Variants in RYR2 observed in about 807,000 individuals in gnomAD.
RYR2 encodes the protein cardiac muscle ryanodine receptor-calcium release channel.
In RYR2, 227 loss-of-function variants were observed where a neutral mutation model predicts 601.1. That is an observed-to-expected ratio of 0.38 (90% CI 0.34 to 0.42). RYR2 has a LOEUF of 0.42. Among genes scored for constraint, RYR2 ranks in the 10% least tolerant of loss-of-function variants. RYR2 has a pLI of 1.00. For synonymous variants in RYR2, 2,223 were observed against 2,175.1 expected, an observed-to-expected ratio of 1.02 and a Z score of -0.61; for missense variants, 4,646 against 6,156.5, an observed-to-expected ratio of 0.75 and a Z score of 8.21.
rs1385755155 is a variant in RYR2, at chr1:237,548,429, A to G, written c.2907-2A>G. 6.2e-7 allele frequency: 1 copy of G among 1,613,108 alleles called. No individual in the cohort carries two copies. The highest frequency in any genetic ancestry group is 8.5e-7 in the Non-Finnish European group (1 of 1,179,634). ...ACAAATTTCTTTGTCTCTGATTTGT[A>G]GTTACCAGCTGACAAGTGGATACAA... On this transcript the variant is annotated splice_acceptor_variant, in intron 25 of 104. Coordinates refer to ENST00000366574, the MANE Select transcript of RYR2 (RefSeq NM_001035.3). LOFTEE classifies it high-confidence loss of function.
At chr1:237,438,429 T>C (rs1389921867) in intron 12 of RYR2, among the ~76,000 whole-genome samples, 2 of 152,200 alleles carry the variant, frequency 1.3e-5, no homozygotes, top group African/African-American at 2.4e-5. Context: ...GAATTTCAAG[T>C]TTTTTTCTGA....
chr1:237,586,261 G>A (rs999626135), intron 29 of RYR2, among the ~76,000 whole-genome samples: 1 of 151,992 alleles, frequency 6.6e-6, no homozygotes, highest in African/African-American at 2.4e-5. Flanking sequence ...ATTTTGTTGA[G>A]CCCTAAAGAT....
intron 75 of RYR2, 72 bp from the exon 76 acceptor site, chr1:237,727,014 TG>T: frequency 1.2e-6 from 1 of 803,140 alleles, no homozygotes; most frequent in Non-Finnish European, 2.2e-6. Flanking sequence ...GAAGATAGTT[TG>T]GGGTGTAAAT....
chr1:237,285,315 T>G (rs1177844976), intron 2 of RYR2, among the ~76,000 whole-genome samples: 1 of 152,246 alleles, frequency 6.6e-6, no homozygotes, highest in Admixed American at 6.5e-5. Flanking sequence ...ATTCTGTTTA[T>G]ATGGTATATC....
chr1:237,500,507 G>A (rs933482443), intron 20 of RYR2, among the ~76,000 whole-genome samples: 1 of 152,176 alleles, frequency 6.6e-6, no homozygotes, highest in Non-Finnish European at 1.5e-5. Flanking sequence ...TACAACATAA[G>A]TAGCAGCCTG....
chr1:237,582,269 ATTT>A (rs34174618), intron 29 of RYR2, among the ~76,000 whole-genome samples: 1 of 147,456 alleles, frequency 6.8e-6, no homozygotes, highest in Non-Finnish European at 1.5e-5. Flanking sequence ...CACCCAGATA[ATTT>A]TTTTTTTTTG....
intron 25 of RYR2, among the ~76,000 whole-genome samples, chr1:237,544,525 T>C (rs2618668): frequency 0.89 from 134,725 of 152,142 alleles, 61,406 homozygotes; most frequent in Non-Finnish European, 0.99. Flanking sequence ...TACTTTAACT[T>C]TTTGGAAATC....
chr1:237,614,046 G>T lies in RYR2; in HGVS notation c.4918G>T (p.Asp1640Tyr). ...LHIPEENRSV[D>Y]ILELTEQEEL... ...CTCTCCTCCCTTCTACAGATCTGTT[G>T]ACATCTTAGAGTTGACAGAGCAGGA... Residue 1640 changes from aspartate (D) to tyrosine (Y), a missense_variant, in exon 37 of 105, where the codon GAC (aspartate) becomes TAC (tyrosine). Transcript: ENST00000366574. This position sits in a 1 kb window ranked among gnomAD's most constrained non-coding sequence, Gnocchi z 4.3. 1 of 1,611,856 alleles carries T rather than the reference G, an allele frequency of 6.2e-7. No homozygotes were observed. The highest frequency in any genetic ancestry group is 1.1e-5 in the South Asian group (1 of 90,954).
intron 17 of RYR2, among the ~76,000 whole-genome samples, chr1:237,488,481 C>A (rs1044221440): frequency 1.3e-5 from 2 of 152,150 alleles, no homozygotes; most frequent in African/African-American, 4.8e-5. Flanking sequence ...ACCTTCATGA[C>A]CTAATCACCT....
At chr1:237,128,582 A>C (rs551059247) in intron 1 of RYR2, among the ~76,000 whole-genome samples, 1 of 152,304 alleles carries the variant, frequency 6.6e-6, no homozygotes, top group Admixed American at 6.5e-5. Context: ...GCAGTTTATT[A>C]ATTTGGACCA....
chr1:237,621,280 T>C (rs1460212348), intron 38 of RYR2, among the ~76,000 whole-genome samples: 1 of 152,172 alleles, frequency 6.6e-6, no homozygotes, highest in Non-Finnish European at 1.5e-5. Context: ...GGGAAATTTC[T>C]AACACTCAAT....
chr1:237,794,087 T>A lies in RYR2; in HGVS notation c.13913+90T>A, dbSNP rs1573977808. The A allele has an allele frequency of 7.2e-6, 8 of 1,118,104 alleles. 1 individual carries two copies. In the East Asian group the frequency reaches 1.7e-4, roughly 24 times the overall value. The allele number at this position is 1,118,104 out of a possible 1,614,324, so 69.3% of individuals were successfully genotyped here. ...GAGTTCCTGCAGATTTGTCAAAAGT[T>A]TAGCAGAGGTGAATAATAGTTATAT... On this transcript the variant is annotated intron_variant, in intron 95 of 104. Transcript: ENST00000366574.
intron 41 of RYR2, among the ~76,000 whole-genome samples, chr1:237,630,215 G>A (rs569534310): frequency 5.9e-5 from 9 of 152,128 alleles, no homozygotes; most frequent in Non-Finnish European, 1.2e-4. Flanking sequence ...ATTTAACACA[G>A]AGAGATTCTT....
intron 1 of RYR2, among the ~76,000 whole-genome samples, chr1:237,091,924 T>C (rs1667001171): frequency 1.3e-5 from 2 of 152,146 alleles, no homozygotes; most frequent in South Asian, 4.1e-4. Context: ...GCTGAGAAGA[T>C]GGGAATATGC....
At chr1:237,388,212 C>T (rs1354845198) in intron 10 of RYR2, 29 bp downstream of exon 10, 1 of 1,573,642 alleles carries the variant, frequency 6.4e-7, no homozygotes. Context: ...TGCATTGAGA[C>T]TTGCACTCTT....
chr1:237,572,853 C>T (rs1672839674), intron 29 of RYR2, among the ~76,000 whole-genome samples: 1 of 152,050 alleles, frequency 6.6e-6, no homozygotes, highest in Non-Finnish European at 1.5e-5. Context: ...TATCTCTTCC[C>T]CATCCCTCCT....
At chr1:237,507,939 A>G (rs1396592591) in intron 23 of RYR2, among the ~76,000 whole-genome samples, 1 of 152,174 alleles carries the variant, frequency 6.6e-6, no homozygotes, top group Non-Finnish European at 1.5e-5. Flanking sequence ...ACACTTGGGT[A>G]CCTAGTTTTG....
intron 47 of RYR2, among the ~76,000 whole-genome samples, chr1:237,642,766 T>C (rs2148754089): frequency 1.3e-5 from 2 of 152,306 alleles, no homozygotes; most frequent in African/African-American, 4.8e-5. Context: ...TCATCCTGGA[T>C]ACTTCATGTC....
chr1:237,332,505 G>A (rs1558637926), intron 3 of RYR2, among the ~76,000 whole-genome samples: 1 of 152,084 alleles, frequency 6.6e-6, no homozygotes, highest in Non-Finnish European at 1.5e-5. Context: ...TTATGAAAGA[G>A]TAAAACAATT....
Sources: allele counts gnomAD v4.1 joint callset (sites outside exome capture counted in the v4.1 genomes callset), GRCh38; gene constraint gnomAD v4.1.1; non-coding constraint Gnocchi (gnomAD v3.1); transcripts MANE v1.5; gene names NCBI Gene and HGNC (gene_info 2026-07-23, HGNC 2026-07-21).